Variants in PTPN12 observed in about 807,000 individuals in gnomAD.
PTPN12 encodes protein tyrosine phosphatase non-receptor type 12, also known as tyrosine-protein phosphatase non-receptor type 12.
A neutral mutation model predicts 97.6 loss-of-function variants in PTPN12; 29 were observed. That is an observed-to-expected ratio of 0.30 (90% CI 0.22 to 0.41). PTPN12 has a LOEUF of 0.41. Among genes scored for constraint, PTPN12 ranks in the 10% least tolerant of loss-of-function variants. PTPN12 has a pLI of 1.00. For synonymous variants in PTPN12, 327 were observed against 300.4 expected (o/e 1.09, Z -0.91); for missense variants, 819 against 926.0 (o/e 0.88, Z 1.50).
At chr7:77,592,281 T>C in intron 6 of PTPN12, 25 bp downstream of exon 6, 2 of 1,572,616 alleles carry the variant, frequency 1.3e-6, no homozygotes, top group Non-Finnish European at 8.7e-7. Context: ...TTGTAAACAC[T>C]TTTTTCAGAA....
chr7:77,622,170 G>A (rs1448854983), intron 12 of PTPN12, among the ~76,000 whole-genome samples: 2 of 152,142 alleles, frequency 1.3e-5, no homozygotes. Context: ...GCCTAGGCCA[G>A]TTTTAAACTC....
At chr7:77,589,253 G>A (rs1295627758) in intron 5 of PTPN12, among the ~76,000 whole-genome samples, 3 of 152,264 alleles carry the variant, frequency 2.0e-5, no homozygotes, top group Middle Eastern at 3.4e-3. Context: ...CTTCAAAACT[G>A]AGAGAAGATA....
chr7:77,609,859 C>A (rs1033864629), intron 9 of PTPN12, among the ~76,000 whole-genome samples: 1 of 148,408 alleles, frequency 6.7e-6, no homozygotes, highest in African/African-American at 2.5e-5. Flanking sequence ...CCAGCCTGGG[C>A]GACAGAGCGA....
At chr7:77,615,974 G>A (rs1005190603) in intron 11 of PTPN12, among the ~76,000 whole-genome samples, 37 of 152,160 alleles carry the variant, frequency 2.4e-4, no homozygotes, top group African/African-American at 8.4e-4. Context: ...CCTTTCATCA[G>A]AGGAAACTCA....
chr7:77,592,210 T>G lies in PTPN12; in HGVS notation c.446T>G (p.Leu149Trp), dbSNP rs777544881. 1 of 1,605,900 alleles carries G rather than the reference T, an allele frequency of 6.2e-7. No homozygotes were observed. Among genetic ancestry groups the G allele is most frequent in the Non-Finnish European group, 8.5e-7 (1 of 1,177,988 alleles). ...GRKKCERYWP[L>W]YGEDPITFAP... is the part of the protein sequence containing the mutation. ...AAAAAATGTGAGCGCTATTGGCCTTTGTATGGAGAAGACCCCATAACGTTT... is the reference window on the plus strand; with the variant it reads ...AAAAAATGTGAGCGCTATTGGCCTTGGTATGGAGAAGACCCCATAACGTTT... The change falls in exon 6 of 18, where the codon TTG becomes TGG. Residue 149 changes from leucine (L) to tryptophan (W), a missense_variant. Transcript: ENST00000248594.
At chr7:77,631,406 A>G (rs905961460) in intron 13 of PTPN12, among the ~76,000 whole-genome samples, 1 of 152,220 alleles carries the variant, frequency 6.6e-6, no homozygotes, top group Non-Finnish European at 1.5e-5. Context: ...ATAGCAGAGT[A>G]TCATGGCAGA....
intron 2 of PTPN12, among the ~76,000 whole-genome samples, chr7:77,573,602 G>T (rs546780019): frequency 7.9e-5 from 12 of 152,264 alleles, no homozygotes; most frequent in Admixed American, 5.2e-4. Flanking sequence ...CTCAGAATAG[G>T]GGATGACATG....
chr7:77,608,979 G>A (rs2151374357), intron 9 of PTPN12, among the ~76,000 whole-genome samples: 1 of 152,300 alleles, frequency 6.6e-6, no homozygotes, highest in Non-Finnish European at 1.5e-5. Flanking sequence ...CAGCACTTTT[G>A]AAGGCTGAGG....
intron 8 of PTPN12, among the ~76,000 whole-genome samples, chr7:77,606,428 ACT>A (rs1181028880): frequency 1.3e-5 from 2 of 151,886 alleles, no homozygotes; most frequent in African/African-American, 4.8e-5. Context: ...ATGAAGTCAC[ACT>A]CTGTTACCCA....
rs1265925119 is a variant in PTPN12, at chr7:77,585,530, C to CATCA, written c.382-12_382-9dup. 1.2e-6 allele frequency: 2 copies of CATCA among 1,602,184 alleles called. No individual in the cohort carries two copies. The highest frequency in any genetic ancestry group is 4.5e-5 in the East Asian group (2 of 44,528). On this transcript the variant is annotated splice_polypyrimidine_tract_variant and intron_variant, in intron 4 of 17. Transcript: ENST00000248594. ...ATACGTTCTTTATCTCACTCCCCACCATCACTTTTTAGATCATTGTAATGG... is the reference window on the plus strand; with the variant it reads ...ATACGTTCTTTATCTCACTCCCCACCATCAATCACTTTTTAGATCATTGTAATGG...
At chr7:77,540,699 A>G (rs1441455705) in intron 1 of PTPN12, among the ~76,000 whole-genome samples, 1 of 151,640 alleles carries the variant, frequency 6.6e-6, no homozygotes, top group Admixed American at 6.6e-5. Context: ...TAATTAAGAC[A>G]GCCGGTAGTT....
intron 2 of PTPN12, among the ~76,000 whole-genome samples, chr7:77,574,211 GA>G (rs1252478397): frequency 3.9e-5 from 6 of 152,194 alleles, no homozygotes; most frequent in Non-Finnish European, 4.4e-5. Flanking sequence ...GAGGGATAGG[GA>G]GAAAGCAGAG....
chr7:77,613,326 C>G (rs975342991), intron 11 of PTPN12, among the ~76,000 whole-genome samples: 1 of 150,900 alleles, frequency 6.6e-6, no homozygotes, highest in African/African-American at 2.4e-5. Context: ...AGGCGCCCAC[C>G]ACCATGCTCA....
chr7:77,562,620 C>G (rs932875475), intron 1 of PTPN12, among the ~76,000 whole-genome samples: 22 of 152,102 alleles, frequency 1.4e-4, no homozygotes, highest in African/African-American at 5.3e-4. Flanking sequence ...GGCGGAACAT[C>G]AGTGGAACCA....
intron 6 of PTPN12, among the ~76,000 whole-genome samples, 180 bp from the exon 7 acceptor site, chr7:77,597,658 GTCTA>G (rs1254156595): frequency 6.6e-6 from 1 of 152,120 alleles, no homozygotes; most frequent in African/African-American, 2.4e-5. Flanking sequence ...TAATTAGCAT[GTCTA>G]TCACTTCAAA....
chr7:77,567,057 G>A (rs1808294688), intron 1 of PTPN12, among the ~76,000 whole-genome samples: 1 of 151,508 alleles, frequency 6.6e-6, no homozygotes, highest in South Asian at 2.1e-4. Flanking sequence ...CTTAGTAATA[G>A]CTTCATCAGA....
chr7:77,583,506 A>G (rs1023739508), intron 3 of PTPN12, 49 bp from the exon 4 acceptor site: 1 of 1,177,500 alleles, frequency 8.5e-7, no homozygotes. Context: ...GTAATGAAAT[A>G]TTTTTGGTAA....
chr7:77,595,401 G>A (rs1479357647), intron 6 of PTPN12, among the ~76,000 whole-genome samples: 1 of 152,142 alleles, frequency 6.6e-6, no homozygotes, highest in Non-Finnish European at 1.5e-5. Flanking sequence ...GCTCTCTCTC[G>A]ATGTGGGATG....
At chr7:77,584,685 G>A (rs1293541376) in intron 4 of PTPN12, among the ~76,000 whole-genome samples, 5 of 152,070 alleles carry the variant, frequency 3.3e-5, no homozygotes, top group Non-Finnish European at 7.4e-5. Flanking sequence ...AGACCATCCT[G>A]GCTAACACGG....
Sources: allele counts gnomAD v4.1 joint callset (sites outside exome capture counted in the v4.1 genomes callset), GRCh38; gene constraint gnomAD v4.1.1; transcripts MANE v1.5; gene names NCBI Gene and HGNC (gene_info 2026-07-23, HGNC 2026-07-21).